FBN2: variants seen among roughly 807,000 people sequenced by gnomAD.
The protein encoded by FBN2 is fibrillin-2.
Under a neutral mutation model 355.6 loss-of-function variants are expected in FBN2, and 105 were observed. That is an observed-to-expected ratio of 0.30 (90% CI 0.25 to 0.35). The LOEUF is 0.35. Ranked by LOEUF, FBN2 falls within the 10% of genes least tolerant of loss-of-function variation. The pLI, the probability that FBN2 is intolerant of heterozygous loss-of-function variation, is 1.00. For missense variants in FBN2, 3,280 were observed against 3,758.7 expected (o/e 0.87, Z 3.33); for synonymous variants, 1,350 against 1,301.2 (o/e 1.04, Z -0.81).
chr5:128,518,304 G>A (rs1168749890), intron 5 of FBN2, among the ~76,000 whole-genome samples: 1 of 152,116 alleles, frequency 6.6e-6, no homozygotes, highest in Non-Finnish European at 1.5e-5. Flanking sequence ...GTCTATATAG[G>A]TCATGAGTTT....
intron 1 of FBN2, among the ~76,000 whole-genome samples, chr5:128,536,853 C>T (rs1366424861): frequency 1.3e-5 from 2 of 152,152 alleles, no homozygotes; most frequent in Non-Finnish European, 2.9e-5. Context: ...CCTCCTTGGT[C>T]AACTGTTACT....
chr5:128,405,030 G>C (rs372346535), intron 8 of FBN2, among the ~76,000 whole-genome samples: 2 of 152,094 alleles, frequency 1.3e-5, no homozygotes, highest in South Asian at 4.2e-4. Flanking sequence ...ACATTAGCCA[G>C]CGTAGTGGTG....
At chr5:128,314,582 C>T (rs770553795) in intron 36 of FBN2, among the ~76,000 whole-genome samples, 11 of 152,192 alleles carry the variant, frequency 7.2e-5, no homozygotes, top group Admixed American at 2.0e-4. Context: ...TCCCAAAGTG[C>T]TGGAGTAACA....
chr5:128,345,653 G>C, intron 23 of FBN2, 69 bp from the exon 24 acceptor site: 1 of 1,398,444 alleles, frequency 7.2e-7, no homozygotes, highest in Non-Finnish European at 1.0e-6. Flanking sequence ...CATGTCAAGC[G>C]TCTGCTCAGC....
At chr5:128,427,089 T>G (rs1753502714) in intron 7 of FBN2, among the ~76,000 whole-genome samples, 1 of 152,138 alleles carries the variant, frequency 6.6e-6, no homozygotes, top group African/African-American at 2.4e-5. Flanking sequence ...GAAATATCTA[T>G]CTAGCTGTCT....
chr5:128,480,867 C>CA (rs1755164959), intron 5 of FBN2, among the ~76,000 whole-genome samples: 3 of 152,064 alleles, frequency 2.0e-5, no homozygotes, highest in Admixed American at 6.6e-5. Flanking sequence ...ACAGTGATAT[C>CA]GCAAGACTAA....
chr5:128,432,124 T>A (rs1280493431), intron 7 of FBN2, among the ~76,000 whole-genome samples: 1 of 152,192 alleles, frequency 6.6e-6, no homozygotes, highest in Non-Finnish European at 1.5e-5. Context: ...ATTACATCTC[T>A]CTATTTCTAC....
rs1326545576 is a variant in FBN2 at position 128,274,695 on chromosome 5, G to C, written c.7595-12C>G. ...ACATTCATCAAGGTCTGAAATTAGA[G>C]AGAAGCCAGTGAAAATCACAGTAGA... On this transcript the variant is annotated splice_polypyrimidine_tract_variant and intron_variant, in intron 59 of 64. Coordinates refer to ENST00000262464, the MANE Select transcript of FBN2 (RefSeq NM_001999.4). 7.3e-6 allele frequency: 11 copies of C among 1,512,218 alleles called. No homozygotes were observed. Among genetic ancestry groups the C allele is most frequent in the Non-Finnish European group, 9.2e-6 (10 of 1,087,114 alleles). 93.7% of individuals were successfully genotyped at this position (1,512,218 alleles called of 1,614,324 possible). A position where few individuals can be genotyped will look rare whatever the true frequency, so the allele number is the denominator to read the frequency against.
At chr5:128,350,384 C>T (rs765337473) in intron 21 of FBN2, among the ~76,000 whole-genome samples, 9 of 152,110 alleles carry the variant, frequency 5.9e-5, no homozygotes, top group Non-Finnish European at 1.0e-4. Context: ...AACCCCGTCT[C>T]TACTAAAAAT....
intron 48 of FBN2, among the ~76,000 whole-genome samples, chr5:128,299,259 G>C (rs1407551332): frequency 1.3e-5 from 2 of 151,858 alleles, no homozygotes; most frequent in African/African-American, 4.8e-5. Flanking sequence ...GGACATTTAA[G>C]TCTGCAGAGG....
intron 8 of FBN2, 91 bp from the exon 9 acceptor site, chr5:128,395,365 G>T: frequency 7.5e-7 from 1 of 1,329,492 alleles, no homozygotes; most frequent in Non-Finnish European, 1.1e-6. Flanking sequence ...TAGGTGAAGT[G>T]ACTCATACCA....
At chr5:128,536,539 A>T (rs556908402) in intron 1 of FBN2, 55 bp from the exon 2 acceptor site, 1 of 1,296,462 alleles carries the variant, frequency 7.7e-7, no homozygotes, top group Admixed American at 1.8e-5. Flanking sequence ...GCAGCAACAT[A>T]TAAACGGTCT....
At chr5:128,366,310 A>G in intron 17 of FBN2, 67 bp downstream of exon 17, 1 of 780,000 alleles carries the variant, frequency 1.3e-6, no homozygotes, top group Non-Finnish European at 2.1e-6. Context: ...TCATATTAAT[A>G]TTAGAATTAT....
In FBN2 at chr5:128,338,985, G is replaced by A. The variant is rs756541654; in HGVS notation, c.3420C>T (p.Cys1140=). The change falls in exon 26 of 65, where the codon TGC becomes TGT. Residue 1140 remains cysteine (C), a synonymous_variant. Transcript: ENST00000262464. ...CACTTTCATAGCCTTCGAAGCACTC[G>A]CACTCAAAGCTGCCCGGTGTATTGA... ...ICVNTPGSFE[C]ECFEGYESGF... is the part of the protein sequence containing the mutation. 98 of 1,613,852 alleles carry A rather than the reference G, an allele frequency of 6.1e-5. No individual in the cohort carries two copies. In the South Asian group the frequency reaches 6.7e-4, roughly 11 times the overall value.
chr5:128,286,616 G>GA (rs1289789674), intron 55 of FBN2, 102 bp downstream of exon 55: 60 of 1,388,184 alleles, frequency 4.3e-5, no homozygotes, highest in Non-Finnish European at 5.6e-5. Flanking sequence ...AACACAGCTG[G>GA]AAAAAGAGTT....
Position 128,455,990 on chromosome 5 carries a change from CAAAAAAAAAAAAAAA to C in FBN2, c.826+8719_826+8733del, listed in dbSNP as rs70997371. Among the ~76,000 whole-genome samples, 80 of 25,278 alleles carry C rather than the reference CAAAAAAAAAAAAAAA, an allele frequency of 3.2e-3. 1 individual carries two copies. The highest frequency in any genetic ancestry group is 0.016 in the Admixed American group (21 of 1,296). 16.6% of individuals were successfully genotyped at this position (25,278 alleles called of 152,430 possible). A position where few individuals can be genotyped will look rare whatever the true frequency, so the allele number is the denominator to read the frequency against. On this transcript the variant is annotated intron_variant, in intron 6 of 64. Transcript: ENST00000262464. ...GAGCTCCTTGGGGGAGGGTTAGCAA[CAAAAAAAAAAAAAAA>C]AAAAAAAAAAAAAAAAAAGCAACTG...
chr5:128,276,671 C>G (rs1765401547), intron 58 of FBN2, among the ~76,000 whole-genome samples: 1 of 152,214 alleles, frequency 6.6e-6, no homozygotes, highest in South Asian at 2.1e-4. Flanking sequence ...CCCTTGCCCT[C>G]TGTCTTCTGT....
At chr5:128,494,829 T>A (rs189557015) in intron 5 of FBN2, among the ~76,000 whole-genome samples, 2 of 152,214 alleles carry the variant, frequency 1.3e-5, no homozygotes, top group East Asian at 3.9e-4. Context: ...GTGGGCAGTA[T>A]CAAAAGGTGC....
intron 11 of FBN2, among the ~76,000 whole-genome samples, chr5:128,381,090 G>C (rs1752222657): frequency 6.6e-6 from 1 of 151,926 alleles, no homozygotes; most frequent in Admixed American, 6.6e-5. Context: ...GTTTGCAAGG[G>C]CTCGAGGATT....
Sources: allele counts gnomAD v4.1 joint callset (sites outside exome capture counted in the v4.1 genomes callset), GRCh38; gene constraint gnomAD v4.1.1; transcripts MANE v1.5; gene names NCBI Gene and HGNC (gene_info 2026-07-23, HGNC 2026-07-21).